Variants in ARHGAP39 observed in about 807,000 individuals in gnomAD.
ARHGAP39 encodes rho GTPase-activating protein 39.
Under a neutral mutation model 106.9 loss-of-function variants are expected in ARHGAP39, and 44 were observed. The ratio of observed to expected loss-of-function variants is 0.41; its 90% CI spans 0.32 to 0.53. ARHGAP39 has a LOEUF of 0.53. Ranked by LOEUF, ARHGAP39 falls within the 20% of genes least tolerant of loss-of-function variation. The pLI is 0.21. For missense variants in ARHGAP39, 1,496 were observed against 1,577.3 expected (o/e 0.95, Z 0.87); for synonymous variants, 768 against 693.2 (o/e 1.11, Z -1.69).
Position 144,631,564 on chromosome 8 carries a change from T to C in ARHGAP39, c.-81-25869A>G, listed in dbSNP as rs1035932162. Reference sequence around the variant, plus strand: ...GTGAAGAGTCTCTATCTTCTGCAAGTTGAAGTTGGTCTGTGTCATTCCTGT... The same window carrying C: ...GTGAAGAGTCTCTATCTTCTGCAAGCTGAAGTTGGTCTGTGTCATTCCTGT... On this transcript the variant is annotated intron_variant, in intron 1 of 11. Transcript: ENST00000377307. Among the ~76,000 whole-genome samples the C allele has an allele frequency of 9.8e-5, 15 of 152,374 alleles. No individual in the cohort carries two copies. The South Asian group carries it at 2.7e-3, about 27-fold the overall frequency.
In ARHGAP39 at chr8:144,553,520, T is replaced by C. The variant is rs578242615; in HGVS notation, c.596+2040A>G. On this transcript the variant is annotated intron_variant, in intron 4 of 11. Coordinates refer to ENST00000377307, the MANE Select transcript of ARHGAP39 (RefSeq NM_025251.3). ...CTCCACCTTCCCAGCTAAACATGCATGCATCACCCCAGGCCACAAGCCCCC... is the reference window on the plus strand; with the variant it reads ...CTCCACCTTCCCAGCTAAACATGCACGCATCACCCCAGGCCACAAGCCCCC... Among the ~76,000 whole-genome samples the C allele has an allele frequency of 2.7e-4, 41 of 152,320 alleles. 1 individual carries two copies. In the South Asian group the frequency reaches 8.5e-3, roughly 32 times the overall value.
chr8:144,530,910 G>A (rs373974961), intron 10 of ARHGAP39, 39 bp from the exon 11 acceptor site: 145 of 1,576,752 alleles, frequency 9.2e-5, no homozygotes, highest in Non-Finnish European at 1.2e-4. Flanking sequence ...CCTGCTCGGC[G>A]GGCACCCCTG....
chr8:144,646,298 G>A lies in ARHGAP39; in HGVS notation c.-82+39388C>T, dbSNP rs927298083. 6.6e-6 allele frequency among the ~76,000 whole-genome samples: 1 copy of A among 152,202 alleles called. No homozygotes were observed. The highest frequency in any genetic ancestry group is 6.5e-5 in the Admixed American group (1 of 15,278). On this transcript the variant is annotated intron_variant, in intron 1 of 11. Coordinates refer to ENST00000377307, the MANE Select transcript of ARHGAP39 (RefSeq NM_025251.3). This position sits in a 1 kb window ranked among gnomAD's most constrained non-coding sequence, Gnocchi z 5.7. ...CCCAAACAGGAGTGAGAACAAGGGCGCCTGTGTTGTTTCATCGGCAATAAA... is the reference window on the plus strand; with the variant it reads ...CCCAAACAGGAGTGAGAACAAGGGCACCTGTGTTGTTTCATCGGCAATAAA...
At chr8:144,589,305 CG>C (rs995589112) in intron 2 of ARHGAP39, among the ~76,000 whole-genome samples, 1 of 152,324 alleles carries the variant, frequency 6.6e-6, no homozygotes, top group African/African-American at 2.4e-5. Flanking sequence ...GTAGCACAGT[CG>C]GCCTCATTTC....
At chr8:144,620,755 G>A (rs570982810) in intron 1 of ARHGAP39, among the ~76,000 whole-genome samples, 22 of 152,342 alleles carry the variant, frequency 1.4e-4, no homozygotes, top group Non-Finnish European at 2.5e-4. Flanking sequence ...CACCGCCTGT[G>A]CCCATCCACC....
At chr8:144,533,722 G>C (rs1236158124) in intron 8 of ARHGAP39, among the ~76,000 whole-genome samples, 1 of 152,238 alleles carries the variant, frequency 6.6e-6, no homozygotes. Context: ...GGCCAAGCTA[G>C]CTGAGCTGGG....
intron 1 of ARHGAP39, among the ~76,000 whole-genome samples, chr8:144,652,659 A>ACAAAAAAC (rs1346090502): frequency 6.6e-6 from 1 of 152,226 alleles, no homozygotes; most frequent in African/African-American, 2.4e-5. Flanking sequence ...TAACACAGGA[A>ACAAAAAAC]CAAAAAACCA....
At position 144,547,877 on chromosome 8, in the gene ARHGAP39, C is replaced by A. The variant is rs1414760388; in HGVS notation, c.1209G>T (p.Gln403His). 4 of 1,584,972 alleles carry A rather than the reference C, an allele frequency of 2.5e-6. No individual in the cohort carries two copies. Among genetic ancestry groups the A allele is most frequent in the Non-Finnish European group, 3.4e-6 (4 of 1,166,310 alleles). The change falls in exon 5 of 12, where the codon CAG (glutamine) becomes CAT (histidine). Residue 403 changes from glutamine (Q) to histidine (H), a missense_variant. Gln to His is a conservative substitution (Grantham distance 24). Transcript: ENST00000377307. This position sits in a 1 kb window ranked among gnomAD's most constrained non-coding sequence, Gnocchi z 5.2. ...CGCGCAGCTTGGGGCTGGAGCCCGC[C>A]TGCTCCACGTAGACCAGCTGCCGCA... Reference protein sequence around the residue: ...EYVRQLVYVEQAGSSPKLRAG... With the variant: ...EYVRQLVYVEHAGSSPKLRAG...
At chr8:144,628,713 C>T (rs561564116) in intron 1 of ARHGAP39, among the ~76,000 whole-genome samples, 4 of 152,326 alleles carry the variant, frequency 2.6e-5, no homozygotes, top group African/African-American at 9.6e-5. Context: ...CTCTAAATAA[C>T]CCATGGGCCA....
At chr8:144,642,806 C>A (rs1033266077) in intron 1 of ARHGAP39, among the ~76,000 whole-genome samples, 1 of 152,168 alleles carries the variant, frequency 6.6e-6, no homozygotes, top group Non-Finnish European at 1.5e-5. Context: ...AAACCTCTTT[C>A]CTTTATAAAT....
intron 3 of ARHGAP39, among the ~76,000 whole-genome samples, chr8:144,567,824 G>A (rs1189079540): frequency 1.3e-5 from 2 of 152,342 alleles, no homozygotes; most frequent in South Asian, 2.1e-4. Context: ...TGACCCACGT[G>A]GCTTTACCTA....
At chr8:144,668,453 T>G (rs536561751) in intron 1 of ARHGAP39, among the ~76,000 whole-genome samples, 1 of 151,942 alleles carries the variant, frequency 6.6e-6, no homozygotes, top group African/African-American at 2.4e-5. Flanking sequence ...AAACAAAACA[T>G]AACAAAAAAT....
chr8:144,685,512 C>T (rs1452570782), intron 1 of ARHGAP39, among the ~76,000 whole-genome samples, 174 bp downstream of exon 1: 4 of 149,044 alleles, frequency 2.7e-5, no homozygotes, highest in Middle Eastern at 3.2e-3. Flanking sequence ...CCCCTCCCTC[C>T]ACGGCCCAGT....
At chr8:144,681,601 C>T (rs1423953683) in intron 1 of ARHGAP39, among the ~76,000 whole-genome samples, 1 of 152,206 alleles carries the variant, frequency 6.6e-6, no homozygotes. Context: ...CAGGAGGCTG[C>T]ATTCTCTGAA....
In ARHGAP39 at chr8:144,530,087, G is replaced by A; in HGVS notation, c.*335C>T. 6.5e-6 allele frequency: 2 copies of A among 307,648 alleles called. No individual in the cohort carries two copies. The highest frequency in any genetic ancestry group is 1.2e-5 in the Non-Finnish European group (2 of 165,302). 19.1% of individuals were successfully genotyped at this position (307,648 alleles called of 1,614,324 possible). On this transcript the variant is annotated 3_prime_UTR_variant, in exon 12 of 12. Coordinates refer to ENST00000377307, the MANE Select transcript of ARHGAP39 (RefSeq NM_025251.3). ...CCAGGGCGCGCAGGAGCCACAGGGA[G>A]GCAGCCCGGCCCCAAGGAGGCAGCG...
Position 144,600,010 on chromosome 8 carries a change from C to G in ARHGAP39, c.80+5525G>C, listed in dbSNP as rs1819786341. 2.0e-5 allele frequency among the ~76,000 whole-genome samples: 3 copies of G among 152,220 alleles called. No homozygotes were observed. In the South Asian group the frequency reaches 6.2e-4, roughly 32 times the overall value. ...GGACGGGACTGGGGCACCGTGTGTG[C>G]TCAGCATTTCTAGGAGGCGTTTGTG... On this transcript the variant is annotated intron_variant, in intron 2 of 11. Coordinates refer to ENST00000377307, the MANE Select transcript of ARHGAP39 (RefSeq NM_025251.3).
At chr8:144,583,040 T>C (rs1439638900) in intron 2 of ARHGAP39, among the ~76,000 whole-genome samples, 1 of 152,022 alleles carries the variant, frequency 6.6e-6, no homozygotes, top group Non-Finnish European at 1.5e-5. Context: ...ACACACCCAC[T>C]CCACCGTCCA....
At chr8:144,593,818 C>T (rs1028001538) in intron 2 of ARHGAP39, among the ~76,000 whole-genome samples, 2 of 152,070 alleles carry the variant, frequency 1.3e-5, no homozygotes, top group East Asian at 3.9e-4. Flanking sequence ...GGCTGGGTGC[C>T]GTGGCTAACG....
chr8:144,601,321 T>G (rs1222984898), intron 2 of ARHGAP39, among the ~76,000 whole-genome samples: 1 of 140,628 alleles, frequency 7.1e-6, no homozygotes, highest in African/African-American at 2.8e-5. Flanking sequence ...TGTGTGTGTG[T>G]GGAGGCGTGT....
Sources: allele counts gnomAD v4.1 joint callset (sites outside exome capture counted in the v4.1 genomes callset), GRCh38; gene constraint gnomAD v4.1.1; non-coding constraint Gnocchi (gnomAD v3.1); transcripts MANE v1.5; gene names NCBI Gene and HGNC (gene_info 2026-07-23, HGNC 2026-07-21).